UGT1A9: variants seen among roughly 807,000 people sequenced by gnomAD.
UGT1A9 encodes the protein UDP glucuronosyltransferase family 1 member A9.
Under a neutral mutation model 45.0 loss-of-function variants are expected in UGT1A9, and 35 were observed. The observed-to-expected ratio is 0.78, with a 90% CI of 0.59 to 1.03. UGT1A9 has a LOEUF of 1.03. Among genes scored for constraint, UGT1A9 ranks in the 50% least tolerant of loss-of-function variants. UGT1A9 has a pLI of 0.00. For synonymous variants in UGT1A9, 278 were observed against 250.6 expected (o/e 1.11, Z -1.03); for missense variants, 687 against 666.6 (o/e 1.03, Z -0.34).
Position 233,769,821 on chromosome 2 carries a change from C to A in UGT1A9, c.1295+1382C>A. The A allele has an allele frequency of 5.1e-6, 4 of 785,016 alleles. No individual in the cohort carries two copies. The highest frequency in any genetic ancestry group is 7.3e-6 in the Non-Finnish European group (4 of 547,448). 48.6% of individuals were successfully genotyped at this position (785,016 alleles called of 1,614,324 possible). A position where few individuals can be genotyped will look rare whatever the true frequency, so the allele number is the denominator to read the frequency against. On this transcript the variant is annotated intron_variant, in intron 4 of 4. Coordinates refer to ENST00000354728, the MANE Select transcript of UGT1A9 (RefSeq NM_021027.3). The surrounding 1 kb of genome is among the most constrained non-coding windows in gnomAD (Gnocchi z 4.4). ...TATGAGCCGTGATCATGCCACTGCA[C>A]TCCAGCAACCTGGGCAACAGAGTGA...
At chr2:233,727,532 C>T (rs1479523178) in intron 1 of UGT1A9, among the ~76,000 whole-genome samples, 28 of 152,260 alleles carry the variant, frequency 1.8e-4, no homozygotes, top group Middle Eastern at 6.8e-3. Context: ...CACTACCAGG[C>T]GTGTTCCACC....
intron 1 of UGT1A9, among the ~76,000 whole-genome samples, chr2:233,745,902 G>A (rs961529996): frequency 3.3e-5 from 5 of 151,560 alleles, no homozygotes; most frequent in Non-Finnish European, 7.4e-5. Flanking sequence ...CGTTTTTCAG[G>A]GAGCAGCTGA....
At chr2:233,704,337 A>G (rs2075781875) in intron 1 of UGT1A9, among the ~76,000 whole-genome samples, 1 of 144,470 alleles carries the variant, frequency 6.9e-6, no homozygotes. Flanking sequence ...CCACTATTTA[A>G]AAAGTTGTGT....
At chr2:233,744,211 G>A (rs1692734898) in intron 1 of UGT1A9, among the ~76,000 whole-genome samples, 1 of 151,828 alleles carries the variant, frequency 6.6e-6, no homozygotes, top group African/African-American at 2.4e-5. Context: ...GGGAAAAAGA[G>A]GTTGGGGAAA....
At chr2:233,710,596 A>G (rs1219828092) in intron 1 of UGT1A9, among the ~76,000 whole-genome samples, 2 of 152,016 alleles carry the variant, frequency 1.3e-5, no homozygotes, top group Non-Finnish European at 2.9e-5. Context: ...GCACACCTTT[A>G]TTGGTTTGTT....
intron 1 of UGT1A9, among the ~76,000 whole-genome samples, chr2:233,675,426 G>T (rs1247129134): frequency 6.6e-6 from 1 of 152,180 alleles, no homozygotes; most frequent in African/African-American, 2.4e-5. Flanking sequence ...ATTAATGACT[G>T]GTTTTAGGTG....
intron 1 of UGT1A9, chr2:233,682,579 G>C: frequency 6.2e-7 from 1 of 1,613,874 alleles, no homozygotes; most frequent in Non-Finnish European, 8.5e-7. Context: ...TCATGCACTT[G>C]GAGGAACATT....
rs2074210064 is a variant in UGT1A9 at position 233,672,087 on chromosome 2, G to A, written c.153G>A (p.Arg51=). The A allele has an allele frequency of 2.5e-6, 4 of 1,614,140 alleles. No homozygotes were observed. The East Asian group carries it at 8.9e-5, about 36-fold the overall frequency. Residue 51 remains arginine (R), a synonymous_variant, in exon 1 of 5, where the codon AGG becomes AGA. Coordinates refer to ENST00000354728, the MANE Select transcript of UGT1A9 (RefSeq NM_021027.3). ...CGGTGGTGGAGAAACTCATTCTCAGGGGGCATGAGGTGGTTGTAGTCATGC... is the reference window on the plus strand; with the variant it reads ...CGGTGGTGGAGAAACTCATTCTCAGAGGGCATGAGGTGGTTGTAGTCATGC... The part of the protein sequence containing the change: ...MRSVVEKLIL[R]GHEVVVVMPE...
At chr2:233,693,296 C>T (rs774620598) in intron 1 of UGT1A9, 2 of 1,614,126 alleles carry the variant, frequency 1.2e-6, no homozygotes, top group Admixed American at 3.3e-5. Context: ...TGGAAACAAT[C>T]ACTTTGCTGA....
chr2:233,730,485 A>C (rs879945186), intron 1 of UGT1A9, among the ~76,000 whole-genome samples: 5 of 152,208 alleles, frequency 3.3e-5, no homozygotes, highest in Non-Finnish European at 7.3e-5. Context: ...CTCACATGAA[A>C]TAGAAGTGTC....
chr2:233,704,765 G>A (rs1449805023), intron 1 of UGT1A9, among the ~76,000 whole-genome samples: 4 of 151,870 alleles, frequency 2.6e-5, no homozygotes, highest in South Asian at 2.1e-4. Context: ...AATATATTAC[G>A]CTTCCATATG....
In UGT1A9 at chr2:233,718,852, G is replaced by A. The variant is rs149314940; in HGVS notation, c.855+46063G>A. On this transcript the variant is annotated intron_variant, in intron 1 of 4. Coordinates refer to ENST00000354728, the MANE Select transcript of UGT1A9 (RefSeq NM_021027.3). ...AGAGGACTCCAGGTTCCCCTGCCGC[G>A]GCTGGCCACAGGACTGCTGCTCCTC... The A allele has an allele frequency of 5.0e-5, 80 of 1,613,718 alleles. No homozygotes were observed. Among genetic ancestry groups the A allele is most frequent in the Middle Eastern group, 1.7e-4 (1 of 5,766 alleles).
chr2:233,672,357 T>G lies in UGT1A9; in HGVS notation c.423T>G (p.Ser141=), dbSNP rs138301590. 7.0e-4 allele frequency: 1,134 copies of G among 1,614,202 alleles called. 3 individuals carry two copies. Among genetic ancestry groups the G allele is most frequent in the Admixed American group, 2.4e-3 (146 of 60,022 alleles). ...TAGTAGAATACTTAAAGGAGAGTTCTTTTGATGCAGTGTTTCTCGATCCTT... is the reference window on the plus strand; with the variant it reads ...TAGTAGAATACTTAAAGGAGAGTTCGTTTGATGCAGTGTTTCTCGATCCTT... ...KKLVEYLKES[S]FDAVFLDPFD... The change falls in exon 1 of 5, where the codon TCT becomes TCG. Residue 141 remains serine, a synonymous_variant. Transcript: ENST00000354728.
chr2:233,760,523 A>G lies in UGT1A9; in HGVS notation c.856-6511A>G, dbSNP rs1697475352. 6.2e-7 allele frequency: 1 copy of G among 1,614,204 alleles called. No individual in the cohort carries two copies. The highest frequency in any genetic ancestry group is 8.5e-7 in the Non-Finnish European group (1 of 1,180,040). On this transcript the variant is annotated intron_variant, in intron 1 of 4. Coordinates refer to ENST00000354728, the MANE Select transcript of UGT1A9 (RefSeq NM_021027.3). ...GGAGCATTTTACACCTTGAAGACGT[A>G]CCCTGTGCCATTCCAAAGGGAGGAT...
chr2:233,676,020 C>T (rs1046214466), intron 1 of UGT1A9, among the ~76,000 whole-genome samples: 1 of 152,150 alleles, frequency 6.6e-6, no homozygotes, highest in Non-Finnish European at 1.5e-5. Context: ...CAGAAATAAA[C>T]CCATACATAT....
chr2:233,702,531 T>C (rs1221422029), intron 1 of UGT1A9, among the ~76,000 whole-genome samples: 1 of 152,214 alleles, frequency 6.6e-6, no homozygotes, highest in Non-Finnish European at 1.5e-5. Flanking sequence ...ATTCTTATCT[T>C]GTTCCTGATC....
chr2:233,744,711 T>A (rs1692896185), intron 1 of UGT1A9, among the ~76,000 whole-genome samples: 1 of 151,888 alleles, frequency 6.6e-6, no homozygotes, highest in Non-Finnish European at 1.5e-5. Context: ...TGTACACTTG[T>A]GAGAGAATGA....
At chr2:233,722,169 C>T (rs923427551) in intron 1 of UGT1A9, 1 of 158,144 alleles carries the variant, frequency 6.3e-6, no homozygotes, top group Admixed American at 6.4e-5. Flanking sequence ...CACCTGGAGA[C>T]CTTTGCCATG....
intron 1 of UGT1A9, chr2:233,690,397 A>C: frequency 4.4e-6 from 5 of 1,142,502 alleles, no homozygotes; most frequent in Non-Finnish European, 5.7e-6. Context: ...AGACCTTCCT[A>C]TTCCCAACAT....
Sources: allele counts gnomAD v4.1 joint callset (sites outside exome capture counted in the v4.1 genomes callset), GRCh38; gene constraint gnomAD v4.1.1; non-coding constraint Gnocchi (gnomAD v3.1); transcripts MANE v1.5; gene names NCBI Gene and HGNC (gene_info 2026-07-23, HGNC 2026-07-21).